The following NAALADL2 variants were observed in gnomAD, a reference collection of about 807,000 sequenced individuals.
NAALADL2 encodes the protein inactive N-acetylated-alpha-linked acidic dipeptidase-like protein 2.
In NAALADL2, 76 loss-of-function variants were observed where a neutral mutation model predicts 87.2. The ratio of observed to expected loss-of-function variants is 0.87; its 90% CI spans 0.72 to 1.05. The LOEUF is 1.05. Among genes scored for constraint, NAALADL2 ranks in the 50% least tolerant of loss-of-function variants. The probability of loss-of-function intolerance (pLI) is 0.00; values close to 1 mark genes in which losing one functional copy is unlikely to be tolerated. For missense variants in NAALADL2, 1,089 were observed against 945.8 expected (o/e 1.15, Z -1.99); for synonymous variants, 354 against 331.0 (o/e 1.07, Z -0.75).
intron 4 of NAALADL2, among the ~76,000 whole-genome samples, chr3:175,317,747 T>A (rs1263039418): frequency 6.6e-6 from 1 of 152,202 alleles, no homozygotes; most frequent in African/African-American, 2.4e-5. Context: ...GTAATTAAAA[T>A]ATATGTTTTT....
intron 2 of NAALADL2, among the ~76,000 whole-genome samples, chr3:174,688,638 C>G (rs1280531455): frequency 1.3e-5 from 2 of 151,980 alleles, no homozygotes. Flanking sequence ...AATGAAGAGA[C>G]AGTTTACCTT....
chr3:174,646,500 A>G (rs1374840), intron 2 of NAALADL2, among the ~76,000 whole-genome samples: 3 of 151,824 alleles, frequency 2.0e-5, no homozygotes, highest in African/African-American at 7.2e-5. Context: ...ACATATTAAC[A>G]TACATTAATT....
intron 4 of NAALADL2, among the ~76,000 whole-genome samples, chr3:175,258,274 C>G (rs1359594500): frequency 6.7e-6 from 1 of 149,880 alleles, no homozygotes; most frequent in Non-Finnish European, 1.5e-5. Flanking sequence ...CGCCACTGCA[C>G]TCCAGCCTGG....
upstream of NAALADL2, among the ~76,000 whole-genome samples, chr3:174,854,510 A>C (rs540429979): frequency 6.6e-6 from 1 of 152,180 alleles, no homozygotes; most frequent in East Asian, 1.9e-4. Flanking sequence ...TTTATTGTAC[A>C]TTTCAAAATC....
chr3:175,056,603 C>A (rs1360525892), intron 1 of NAALADL2, among the ~76,000 whole-genome samples: 1 of 152,138 alleles, frequency 6.6e-6, no homozygotes, highest in Admixed American at 6.5e-5. Context: ...AGTGGGAAAT[C>A]AGGGGTCTTA....
chr3:175,177,828 T>C (rs1735903361), intron 2 of NAALADL2, among the ~76,000 whole-genome samples: 1 of 121,312 alleles, frequency 8.2e-6, no homozygotes, highest in Admixed American at 9.0e-5. Context: ...CCCAGTGAGG[T>C]AGGGTACAGT....
chr3:174,454,333 C>T (rs778391939), intron 1 of NAALADL2, among the ~76,000 whole-genome samples: 4 of 152,032 alleles, frequency 2.6e-5, no homozygotes, highest in Admixed American at 6.6e-5. Context: ...TATAGATCAT[C>T]GAGGGAGAAA....
intron 2 of NAALADL2, among the ~76,000 whole-genome samples, chr3:174,568,651 T>C (rs1198511327): frequency 6.6e-6 from 1 of 151,768 alleles, no homozygotes; most frequent in African/African-American, 2.4e-5. Flanking sequence ...TACTGATGTA[T>C]GTATATATAT....
intron 4 of NAALADL2, among the ~76,000 whole-genome samples, chr3:175,290,027 T>C (rs1223131553): frequency 6.6e-6 from 1 of 152,126 alleles, no homozygotes; most frequent in Non-Finnish European, 1.5e-5. Context: ...TAATCAGACA[T>C]CACTATAAAT....
chr3:175,003,807 A>G (rs1192926269), intron 1 of NAALADL2, among the ~76,000 whole-genome samples: 1 of 152,222 alleles, frequency 6.6e-6, no homozygotes, highest in Non-Finnish European at 1.5e-5. Flanking sequence ...AGAAGTGCCT[A>G]TAGACAACAT....
intron 3 of NAALADL2, among the ~76,000 whole-genome samples, chr3:174,795,856 T>C (rs965700455): frequency 1.3e-5 from 2 of 152,220 alleles, no homozygotes; most frequent in African/African-American, 2.4e-5. Flanking sequence ...TTTCAGATCC[T>C]TTGCCTATTA....
intron 2 of NAALADL2, among the ~76,000 whole-genome samples, chr3:174,605,834 G>C (rs1370954599): frequency 6.6e-6 from 1 of 152,210 alleles, no homozygotes. Flanking sequence ...CCAGCATGCA[G>C]CTGGAGATCT....
At chr3:175,686,371 T>C (rs1736295016) in intron 11 of NAALADL2, among the ~76,000 whole-genome samples, 1 of 152,184 alleles carries the variant, frequency 6.6e-6, no homozygotes, top group Non-Finnish European at 1.5e-5. Flanking sequence ...CAAATTTATT[T>C]GCAGACTTCA....
chr3:174,753,117 T>C (rs1163088778), intron 3 of NAALADL2, among the ~76,000 whole-genome samples: 1 of 152,244 alleles, frequency 6.6e-6, no homozygotes, highest in South Asian at 2.1e-4. Context: ...TCTTTCTTTT[T>C]TTTTGAGACA....
intron 5 of NAALADL2, among the ~76,000 whole-genome samples, chr3:175,438,829 A>G (rs1719193636): frequency 6.6e-6 from 1 of 151,438 alleles, no homozygotes. Context: ...CCATCTGATT[A>G]TTCATTTATT....
rs1281073976 is a variant in NAALADL2 at position 175,635,858 on chromosome 3, A to G, written c.1896+8472A>G. On this transcript the variant is annotated intron_variant, in intron 11 of 13. Transcript: ENST00000454872. ...TGCATAACAGAATAACTCTAGGTCG[A>G]CAGATCAAATATCCCTCCAAAAATG... 3.3e-5 allele frequency among the ~76,000 whole-genome samples: 5 copies of G among 152,166 alleles called. No homozygotes were observed. In the East Asian group the frequency reaches 9.6e-4, roughly 29 times the overall value.
At chr3:174,942,761 G>C (rs56142856) in intron 1 of NAALADL2, among the ~76,000 whole-genome samples, 1 of 151,722 alleles carries the variant, frequency 6.6e-6, no homozygotes, top group East Asian at 1.9e-4. Flanking sequence ...CTTAAATTTT[G>C]GTCTGTCTTA....
chr3:174,458,532 C>T (rs1032490491), intron 1 of NAALADL2: 3 of 152,164 alleles, frequency 2.0e-5, no homozygotes, highest in African/African-American at 7.2e-5. Flanking sequence ...AAGAAAAGAT[C>T]AGTAAGATCA....
chr3:175,287,374 AC>A (rs1755113084), intron 4 of NAALADL2, among the ~76,000 whole-genome samples: 1 of 152,184 alleles, frequency 6.6e-6, no homozygotes. Context: ...ACATTTAGCT[AC>A]CCCCAAACAA....
Sources: allele counts gnomAD v4.1 joint callset (sites outside exome capture counted in the v4.1 genomes callset), GRCh38; gene constraint gnomAD v4.1.1; transcripts MANE v1.5; gene names NCBI Gene and HGNC (gene_info 2026-07-23, HGNC 2026-07-21).